The following TFEC variants were observed in gnomAD, a reference collection of about 807,000 sequenced individuals.
TFEC encodes the protein class E basic helix-loop-helix protein 34.
TFEC carries 31 observed loss-of-function variants against 41.6 expected under a neutral mutation model. The observed-to-expected ratio is 0.74, with a 90% CI of 0.56 to 1.01. The LOEUF is 1.01. TFEC is among the 50% of genes least tolerant of loss of function. TFEC has a pLI of 0.00. For missense variants in TFEC, 402 were observed against 404.1 expected (o/e 0.99, Z 0.04); for synonymous variants, 143 against 140.6 (o/e 1.02, Z -0.12).
intron 3 of TFEC, among the ~76,000 whole-genome samples, chr7:116,039,832 C>T (rs1020441403): frequency 6.6e-6 from 1 of 151,836 alleles, no homozygotes; most frequent in Admixed American, 6.6e-5. Context: ...AAAAAAAGTC[C>T]TTCAATACAA....
intron 3 of TFEC, among the ~76,000 whole-genome samples, chr7:115,971,918 T>G (rs1243047736): frequency 6.6e-6 from 1 of 152,068 alleles, no homozygotes; most frequent in Non-Finnish European, 1.5e-5. Context: ...AATAAATTCC[T>G]TTCATGCTTA....
At chr7:115,979,952 C>A (rs966519262) in intron 2 of TFEC, among the ~76,000 whole-genome samples, 1 of 152,134 alleles carries the variant, frequency 6.6e-6, no homozygotes, top group African/African-American at 2.4e-5. Flanking sequence ...AACCTCAATT[C>A]TTTCCCTCTC....
chr7:115,962,226 T>C (rs922230696), intron 3 of TFEC, among the ~76,000 whole-genome samples: 1 of 151,810 alleles, frequency 6.6e-6, no homozygotes, highest in Non-Finnish European at 1.5e-5. Context: ...CATTTTGTGT[T>C]CATGGATGAA....
intron 2 of TFEC, among the ~76,000 whole-genome samples, chr7:115,979,546 A>T (rs1327652126): frequency 6.6e-6 from 1 of 152,148 alleles, no homozygotes; most frequent in African/African-American, 2.4e-5. Context: ...CAGCTGTCTG[A>T]ATGAAGAAAT....
chr7:116,038,157 G>A (rs1374252066), intron 3 of TFEC, among the ~76,000 whole-genome samples: 2 of 152,108 alleles, frequency 1.3e-5, no homozygotes, highest in Non-Finnish European at 2.9e-5. Flanking sequence ...AGGCATTAAT[G>A]TAATTTAATT....
intron 3 of TFEC, among the ~76,000 whole-genome samples, chr7:116,050,801 A>T (rs1245928228): frequency 6.6e-6 from 1 of 152,270 alleles, no homozygotes; most frequent in Non-Finnish European, 1.5e-5. Flanking sequence ...TACTGGGCAT[A>T]TACCCAAAGG....
At chr7:116,086,114 A>G (rs2131072755) in intron 3 of TFEC, among the ~76,000 whole-genome samples, 1 of 151,876 alleles carries the variant, frequency 6.6e-6, no homozygotes, top group African/African-American at 2.4e-5. Flanking sequence ...TACTTTTCCT[A>G]ATGAAAATTA....
intron 5 of TFEC, among the ~76,000 whole-genome samples, chr7:115,952,172 T>G (rs1251928429): frequency 6.6e-6 from 1 of 152,084 alleles, no homozygotes; most frequent in South Asian, 2.1e-4. Context: ...TTAGGAATAA[T>G]ACATTGTGAT....
intron 6 of TFEC, among the ~76,000 whole-genome samples, chr7:115,948,224 A>G (rs1791714436): frequency 6.6e-6 from 1 of 151,808 alleles, no homozygotes; most frequent in Non-Finnish European, 1.5e-5. Flanking sequence ...CCAACCAAAA[A>G]GAGTCCAGGA....
intron 1 of TFEC, among the ~76,000 whole-genome samples, chr7:116,135,211 A>G (rs1392247414): frequency 6.6e-6 from 1 of 152,106 alleles, no homozygotes; most frequent in Non-Finnish European, 1.5e-5. Flanking sequence ...ATAAAACTTT[A>G]TTTTATAAAT....
intron 5 of TFEC, among the ~76,000 whole-genome samples, chr7:115,951,312 G>A (rs1330748352): frequency 6.6e-6 from 1 of 151,830 alleles, no homozygotes. Context: ...GTAATCATTC[G>A]AGGTCGTGCA....
At chr7:116,035,737 G>C (rs1562945762), upstream of TFEC, among the ~76,000 whole-genome samples, 1 of 151,834 alleles carries the variant, frequency 6.6e-6, no homozygotes, top group Non-Finnish European at 1.5e-5. Flanking sequence ...CATTGTTGAA[G>C]GTTGTATTTC....
At chr7:116,058,498 A>G (rs950464033) in intron 3 of TFEC, among the ~76,000 whole-genome samples, 4 of 151,614 alleles carry the variant, frequency 2.6e-5, no homozygotes, top group Non-Finnish European at 4.4e-5. Context: ...GGACAGAAAA[A>G]TTGGTAAGAA....
intron 3 of TFEC, among the ~76,000 whole-genome samples, chr7:115,957,832 T>C (rs1317099784): frequency 6.6e-6 from 1 of 151,766 alleles, no homozygotes; most frequent in African/African-American, 2.4e-5. Context: ...CCAATTCAAT[T>C]TGAGAGAACT....
intron 3 of TFEC, among the ~76,000 whole-genome samples, chr7:115,959,573 C>T (rs1053300325): frequency 6.6e-6 from 1 of 151,288 alleles, no homozygotes; most frequent in African/African-American, 2.4e-5. Flanking sequence ...AGTAAGGCAA[C>T]AAACACCATT....
intron 3 of TFEC, among the ~76,000 whole-genome samples, chr7:116,082,977 A>G (rs1363668933): frequency 6.6e-6 from 1 of 151,958 alleles, no homozygotes; most frequent in Non-Finnish European, 1.5e-5. Flanking sequence ...AAACATCAAC[A>G]ATAAATATAT....
intron 3 of TFEC, among the ~76,000 whole-genome samples, chr7:116,050,777 C>A (rs1584454345): frequency 6.6e-6 from 1 of 152,198 alleles, no homozygotes; most frequent in Non-Finnish European, 1.5e-5. Flanking sequence ...TACCATTTGA[C>A]CCAGCCATCC....
chr7:116,008,486 A>G (rs1451934588), intron 1 of TFEC, among the ~76,000 whole-genome samples: 1 of 152,182 alleles, frequency 6.6e-6, no homozygotes, highest in Non-Finnish European at 1.5e-5. Context: ...TTAATAAATG[A>G]ACTAAAACTC....
chr7:116,085,270 G>A (rs1053724332), intron 3 of TFEC, among the ~76,000 whole-genome samples: 1 of 151,808 alleles, frequency 6.6e-6, no homozygotes, highest in Admixed American at 6.6e-5. Flanking sequence ...ATGAAAAGGA[G>A]TTATATTTTA....
Sources: allele counts gnomAD v4.1 joint callset (sites outside exome capture counted in the v4.1 genomes callset), GRCh38; gene constraint gnomAD v4.1.1; transcripts MANE v1.5; gene names NCBI Gene and HGNC (gene_info 2026-07-23, HGNC 2026-07-21).